MAPK8IP1: variants seen among roughly 807,000 people sequenced by gnomAD.
MAPK8IP1 encodes the protein C-Jun-amino-terminal kinase-interacting protein 1.
A neutral mutation model predicts 72.6 loss-of-function variants in MAPK8IP1; 17 were observed. The observed-to-expected ratio is 0.23, with a 90% CI of 0.16 to 0.35. The LOEUF is 0.35. MAPK8IP1 is among the 10% of genes least tolerant of loss of function. The probability of loss-of-function intolerance (pLI) is 1.00; values close to 1 mark genes in which losing one functional copy is unlikely to be tolerated. For missense variants in MAPK8IP1, 789 were observed against 1,009.7 expected (o/e 0.78, Z 2.96); for synonymous variants, 401 against 443.4 (o/e 0.90, Z 1.20).
At chr11:45,888,262 C>T (rs1278901452) in intron 1 of MAPK8IP1, among the ~76,000 whole-genome samples, 2 of 152,190 alleles carry the variant, frequency 1.3e-5, no homozygotes, top group East Asian at 1.9e-4. Flanking sequence ...TTGCTCAGCA[C>T]GGGATAGTTA....
intron 1 of MAPK8IP1, among the ~76,000 whole-genome samples, chr11:45,886,561 C>G (rs1480067912): frequency 6.6e-6 from 1 of 152,138 alleles, no homozygotes; most frequent in Non-Finnish European, 1.5e-5. Context: ...TCTGGAGTAG[C>G]CAGGGCCAGC....
rs763857702 is a variant in MAPK8IP1, at chr11:45,902,770, G to A, written c.1003G>A (p.Gly335Ser). The A allele has an allele frequency of 8.1e-6, 13 of 1,598,672 alleles. No individual in the cohort carries two copies. The highest frequency in any genetic ancestry group is 4.4e-5 in the South Asian group (4 of 90,070). The change falls in exon 5 of 12, where the codon GGC becomes AGC. Residue 335 changes from glycine to serine, a missense_variant. Physicochemically the swap from Gly to Ser is moderately conservative, Grantham distance 56 (BLOSUM62 0). Transcript: ENST00000241014. The surrounding 1 kb of genome is among the most constrained non-coding windows in gnomAD (Gnocchi z 9.3). The stretch of plus-strand genomic sequence containing the variant: ...CCCCTCCATCAGTGAAGAGGAAGAG[G>A]GCTTCGACTGCCTGTCGTCCCCAGA... Reference protein sequence around the residue: ...PHPSISEEEEGFDCLSSPERA... With the variant: ...PHPSISEEEESFDCLSSPERA...
At chr11:45,886,265 C>T (rs143859172) in intron 1 of MAPK8IP1, among the ~76,000 whole-genome samples, 134 of 152,356 alleles carry the variant, frequency 8.8e-4, no homozygotes, top group Middle Eastern at 3.4e-3. Context: ...AGCGGGCAGG[C>T]AGGCTGCATC....
At chr11:45,889,201 ATAATT>A (rs1468741939) in intron 1 of MAPK8IP1, among the ~76,000 whole-genome samples, 1 of 152,214 alleles carries the variant, frequency 6.6e-6, no homozygotes, top group East Asian at 1.9e-4. Flanking sequence ...ATTTTATACA[ATAATT>A]TAAATAATTG....
intron 1 of MAPK8IP1, among the ~76,000 whole-genome samples, chr11:45,889,761 G>A (rs1220777393): frequency 1.3e-5 from 2 of 152,136 alleles, no homozygotes; most frequent in African/African-American, 4.8e-5. Context: ...CTGGGATAGA[G>A]CCAGGCCATG....
chr11:45,905,680 G>T lies in MAPK8IP1; in HGVS notation c.2095G>T (p.Val699Leu), dbSNP rs762508614. ...ATTCCAGCAGTTCTACAAGCAGTTT[G>T]TGGAGTACACCTGCCCCACAGAAGA... ...RAFQQFYKQFVEYTCPTEDIY... is the reference protein window; with the variant it reads ...RAFQQFYKQFLEYTCPTEDIY... The change falls in exon 12 of 12, where the codon GTG becomes TTG. Residue 699 changes from valine to leucine, a missense_variant. Coordinates refer to ENST00000241014, the MANE Select transcript of MAPK8IP1 (RefSeq NM_005456.4). 1.2e-6 allele frequency: 2 copies of T among 1,613,928 alleles called. No individual in the cohort carries two copies. Among genetic ancestry groups the T allele is most frequent in the Non-Finnish European group, 1.7e-6 (2 of 1,179,854 alleles).
chr11:45,887,779 G>C (rs1413290751), intron 1 of MAPK8IP1, among the ~76,000 whole-genome samples: 1 of 152,248 alleles, frequency 6.6e-6, no homozygotes, highest in African/African-American at 2.4e-5. Flanking sequence ...TGGTGGCCTG[G>C]CTGCGGAGAC....
In MAPK8IP1 at chr11:45,900,257, C is replaced by T; in HGVS notation, c.327C>T (p.Asp109=). ...GGGACACTCCCGGGGCCGAGGACGA[C>T]GAGGAGGACGACGACGAGGAGCGCG... ...ATGDTPGAED[D]EEDDDEERAA... The change falls in exon 3 of 12, where the codon GAC becomes GAT. Residue 109 remains aspartate, a synonymous_variant. Coordinates refer to ENST00000241014, the MANE Select transcript of MAPK8IP1 (RefSeq NM_005456.4). The surrounding 1 kb of genome is among the most constrained non-coding windows in gnomAD (Gnocchi z 6.5). 7.5e-7 allele frequency: 1 copy of T among 1,332,332 alleles called. No individual in the cohort carries two copies. The highest frequency in any genetic ancestry group is 1.6e-5 in the African/African-American group (1 of 64,484). The allele number at this position is 1,332,332 out of a possible 1,614,324, so 82.5% of individuals were successfully genotyped here.
At chr11:45,888,364 C>T (rs1262992181) in intron 1 of MAPK8IP1, among the ~76,000 whole-genome samples, 3 of 152,200 alleles carry the variant, frequency 2.0e-5, no homozygotes, top group Admixed American at 2.0e-4. Context: ...AGTATTTACT[C>T]CTCCCAATAA....
At chr11:45,887,893 C>T (rs2086539698) in intron 1 of MAPK8IP1, among the ~76,000 whole-genome samples, 1 of 152,272 alleles carries the variant, frequency 6.6e-6, no homozygotes, top group African/African-American at 2.4e-5. Context: ...CCGCCTCTCA[C>T]TGTGCTTGGC....
Position 45,904,509 on chromosome 11 carries a change from C to T in MAPK8IP1, c.1721C>T (p.Ser574Leu). 12 of 1,614,218 alleles carry T rather than the reference C, an allele frequency of 7.4e-6. No homozygotes were observed. Among genetic ancestry groups the T allele is most frequent in the Non-Finnish European group, 1.0e-5 (12 of 1,180,044 alleles). Residue 574 changes from serine to leucine, a missense_variant, in exon 8 of 12, where the codon TCA becomes TTA. Physicochemically the swap from Ser to Leu is moderately radical, Grantham distance 145. Coordinates refer to ENST00000241014, the MANE Select transcript of MAPK8IP1 (RefSeq NM_005456.4). The surrounding 1 kb of genome is among the most constrained non-coding windows in gnomAD (Gnocchi z 6.4). Reference sequence around the variant, plus strand: ...CAGTTCCGGGTGAAGTTCCTGGGCTCAGTCCAGGTTCCCTATCACAAGGGC... The same window carrying T: ...CAGTTCCGGGTGAAGTTCCTGGGCTTAGTCCAGGTTCCCTATCACAAGGGC... Reference protein sequence around the residue: ...VDQFRVKFLGSVQVPYHKGND... With the variant: ...VDQFRVKFLGLVQVPYHKGND...
In MAPK8IP1 at chr11:45,900,732, A is replaced by C. The variant is rs1354857461; in HGVS notation, c.522+280A>C. On this transcript the variant is annotated intron_variant, in intron 3 of 11. Transcript: ENST00000241014. The surrounding 1 kb of genome is among the most constrained non-coding windows in gnomAD (Gnocchi z 6.5). ...AGGAGAGGAGTAGGGAATTAAGAGA[A>C]TGAGGCTTTGAGGGGTTCGAAGGGT... is the stretch of plus-strand genomic sequence containing the variant. Among the ~76,000 whole-genome samples the C allele has an allele frequency of 6.6e-6, 1 of 152,100 alleles. No individual in the cohort carries two copies. The highest frequency in any genetic ancestry group is 6.5e-5 in the Admixed American group (1 of 15,280).
chr11:45,899,880 C>A (rs909374641), intron 2 of MAPK8IP1, among the ~76,000 whole-genome samples: 1 of 152,152 alleles, frequency 6.6e-6, no homozygotes, highest in African/African-American at 2.4e-5. Context: ...GCCAGGGGAA[C>A]GGGAGGGCGC....
rs1210619431 is a variant in MAPK8IP1 at position 45,902,619 on chromosome 11, C to A, written c.852C>A (p.Thr284=). Residue 284 remains threonine, a synonymous_variant, in exon 5 of 12, where the codon ACC becomes ACA. Transcript: ENST00000241014. The surrounding 1 kb of genome is among the most constrained non-coding windows in gnomAD (Gnocchi z 9.3). ...RLEATEEIYL[T]PVQRPPDAAE... Reference sequence around the variant, plus strand: ...AGGCCACTGAGGAGATCTACCTGACCCCAGTGCAGAGGCCCCCAGACGCTG... The same window carrying A: ...AGGCCACTGAGGAGATCTACCTGACACCAGTGCAGAGGCCCCCAGACGCTG... 10 of 1,612,984 alleles carry A rather than the reference C, an allele frequency of 6.2e-6. No homozygotes were observed. Among genetic ancestry groups the A allele is most frequent in the South Asian group, 3.3e-5 (3 of 91,066 alleles).
Position 45,902,436 on chromosome 11 carries a change from C to T in MAPK8IP1, c.669C>T (p.Pro223=), listed in dbSNP as rs547473876. The T allele has an allele frequency of 7.5e-6, 12 of 1,590,936 alleles. No homozygotes were observed. The highest frequency in any genetic ancestry group is 4.6e-5 in the East Asian group (2 of 43,688). The change falls in exon 5 of 12, where the codon CCC becomes CCT. Residue 223 remains proline, a synonymous_variant. Coordinates refer to ENST00000241014, the MANE Select transcript of MAPK8IP1 (RefSeq NM_005456.4). The surrounding 1 kb of genome is among the most constrained non-coding windows in gnomAD (Gnocchi z 9.3). ...LSDELPPQSG[P]APTTDRGTST... ...ATGAGCTGCCCCCCCAGAGCGGCCC[C>T]GCCCCCACCACAGATCGAGGCACCT...
In MAPK8IP1 at chr11:45,902,466, C is replaced by T. The variant is rs370290303; in HGVS notation, c.699C>T (p.Thr233=). 1.5e-5 allele frequency: 24 copies of T among 1,601,772 alleles called. No homozygotes were observed. Among genetic ancestry groups the T allele is most frequent in the African/African-American group, 5.4e-5 (4 of 74,708 alleles). ...PAPTTDRGTS[T]DSPCRRSTAT... is the part of the protein sequence containing the mutation. ...CCACCACAGATCGAGGCACCTCCAC[C>T]GACAGCCCTTGCCGCCGCAGCACAG... The change falls in exon 5 of 12, where the codon ACC becomes ACT. Residue 233 remains threonine, a synonymous_variant. Transcript: ENST00000241014. The surrounding 1 kb of genome is among the most constrained non-coding windows in gnomAD (Gnocchi z 9.3).
chr11:45,902,769 G>A lies in MAPK8IP1; in HGVS notation c.1002G>A (p.Glu334=), dbSNP rs2086666521. ...RPHPSISEEE[E]GFDCLSSPER... ...ACCCCTCCATCAGTGAAGAGGAAGA[G>A]GGCTTCGACTGCCTGTCGTCCCCAG... The change falls in exon 5 of 12, where the codon GAG becomes GAA. Residue 334 remains glutamate (E), a synonymous_variant. Transcript: ENST00000241014. This position sits in a 1 kb window ranked among gnomAD's most constrained non-coding sequence, Gnocchi z 9.3. 1 of 1,599,732 alleles carries A rather than the reference G, an allele frequency of 6.3e-7. No homozygotes were observed. Among genetic ancestry groups the A allele is most frequent in the Admixed American group, 1.7e-5 (1 of 58,992 alleles).
intron 1 of MAPK8IP1, among the ~76,000 whole-genome samples, chr11:45,887,960 A>C (rs1325249728): frequency 6.6e-6 from 1 of 152,102 alleles, no homozygotes; most frequent in Admixed American, 6.5e-5. Flanking sequence ...TCTTTGGTGG[A>C]GTCATAGATC....
intron 1 of MAPK8IP1, among the ~76,000 whole-genome samples, chr11:45,893,332 A>G (rs1360524302): frequency 1.3e-5 from 2 of 151,808 alleles, no homozygotes; most frequent in Middle Eastern, 3.2e-3. Flanking sequence ...TCAGAACACA[A>G]AAGGCATGTT....
Sources: gnomAD v4.1 joint callset for allele counts (sites outside exome capture counted in the v4.1 genomes callset) on GRCh38, gnomAD v4.1.1 for gene constraint, Gnocchi (gnomAD v3.1) non-coding constraint, MANE v1.5 for transcripts, NCBI Gene and HGNC (gene_info 2026-07-23, HGNC 2026-07-21) for gene names.